Variants in HYAL4 observed in about 807,000 individuals in gnomAD.
The protein encoded by HYAL4 is hyaluronidase 4, also known as hyaluronidase-4.
In HYAL4, 37 loss-of-function variants were observed where a neutral mutation model predicts 35.2. The observed-to-expected ratio is 1.05, with a 90% CI of 0.81 to 1.38. The LOEUF is 1.38. Among genes scored for constraint, HYAL4 ranks in the 40% most tolerant of loss-of-function variants. The pLI is 0.00. For missense variants in HYAL4, 572 were observed against 572.4 expected (o/e 1.00, Z 0.01); for synonymous variants, 198 against 203.2 (o/e 0.97, Z 0.22).
At chr7:123,787,107 CAAAAAAA>C in the HYAL4 span, among the ~76,000 whole-genome samples, 500 of 49,156 alleles carry the variant, frequency 0.01, 3 homozygotes, top group African/African-American at 0.028. Flanking sequence ...AACTCTGTCT[CAAAAAAA>C]AAAAAAAAAA....
chr7:123,812,001 G>T, the HYAL4 span, among the ~76,000 whole-genome samples: 1 of 151,844 alleles, frequency 6.6e-6, no homozygotes, highest in Non-Finnish European at 1.5e-5. Flanking sequence ...ACCACCACAC[G>T]TGGCTAATTT....
the HYAL4 span, among the ~76,000 whole-genome samples, chr7:123,822,676 T>A: frequency 6.6e-6 from 1 of 152,208 alleles, no homozygotes; most frequent in African/African-American, 2.4e-5. Flanking sequence ...TGGTCAGAGT[T>A]GGCTGGATGA....
intron 1 of HYAL4, among the ~76,000 whole-genome samples, chr7:123,830,470 G>A (rs778639171): frequency 6.6e-6 from 1 of 152,104 alleles, no homozygotes; most frequent in Non-Finnish European, 1.5e-5. Flanking sequence ...TGAATAACCT[G>A]AAAAATGACA....
the HYAL4 span, among the ~76,000 whole-genome samples, chr7:123,772,450 G>A: frequency 2.0e-5 from 3 of 152,156 alleles, no homozygotes; most frequent in Admixed American, 2.0e-4. Context: ...ATCTAGACAA[G>A]TGACACATGG....
the HYAL4 span, among the ~76,000 whole-genome samples, chr7:123,810,734 T>G: frequency 6.6e-6 from 1 of 152,200 alleles, no homozygotes; most frequent in African/African-American, 2.4e-5. Context: ...CTATGGCTTT[T>G]GACAAATGTA....
intron 3 of HYAL4, among the ~76,000 whole-genome samples, chr7:123,873,642 T>C (rs1304152745): frequency 2.6e-5 from 4 of 151,968 alleles, no homozygotes; most frequent in Non-Finnish European, 5.9e-5. Flanking sequence ...TCCTAAAGAG[T>C]GGGGTGAGGG....
chr7:123,862,093 C>T (rs189427699), intron 2 of HYAL4, among the ~76,000 whole-genome samples: 21 of 152,228 alleles, frequency 1.4e-4, no homozygotes, highest in Non-Finnish European at 2.6e-4. Flanking sequence ...GGCTGTTGCT[C>T]TAATAAGCTT....
At chr7:123,850,172 G>A (rs182134452) in intron 2 of HYAL4, among the ~76,000 whole-genome samples, 2 of 152,270 alleles carry the variant, frequency 1.3e-5, no homozygotes, top group East Asian at 3.9e-4. Flanking sequence ...ATTTATTTCA[G>A]CCTTGCTTGT....
At chr7:123,805,613 G>A in the HYAL4 span, among the ~76,000 whole-genome samples, 1 of 151,982 alleles carries the variant, frequency 6.6e-6, no homozygotes, top group African/African-American at 2.4e-5. Flanking sequence ...GAAATAGAAT[G>A]ATGGAGGCAG....
chr7:123,807,434 T>G, the HYAL4 span, among the ~76,000 whole-genome samples: 9 of 128,450 alleles, frequency 7.0e-5, no homozygotes, highest in Admixed American at 5.2e-4. Context: ...TTTTTATGGT[T>G]TTTTTTTTTT....
At chr7:123,835,365 T>C (rs1421508054) in intron 1 of HYAL4, among the ~76,000 whole-genome samples, 1 of 152,126 alleles carries the variant, frequency 6.6e-6, no homozygotes, top group African/African-American at 2.4e-5. Context: ...AGTTTATGCA[T>C]GTAAAGGTGT....
At chr7:123,807,542 G>T in the HYAL4 span, among the ~76,000 whole-genome samples, 2 of 147,066 alleles carry the variant, frequency 1.4e-5, no homozygotes, top group Non-Finnish European at 3.0e-5. Context: ...TCAGGTTCAA[G>T]CAATTTTCCT....
At chr7:123,856,015 C>T (rs1274468541) in intron 2 of HYAL4, among the ~76,000 whole-genome samples, 2 of 151,770 alleles carry the variant, frequency 1.3e-5, no homozygotes, top group African/African-American at 4.8e-5. Flanking sequence ...GTGTATGCTT[C>T]ATGAAGTTCT....
chr7:123,841,988 G>A (rs1355839638), upstream of HYAL4, among the ~76,000 whole-genome samples: 2 of 151,272 alleles, frequency 1.3e-5, no homozygotes, highest in East Asian at 1.9e-4. Flanking sequence ...TTGTGTGTCT[G>A]TATCTCTTTC....
chr7:123,843,800 T>G (rs1403609740), upstream of HYAL4, among the ~76,000 whole-genome samples: 2 of 151,978 alleles, frequency 1.3e-5, no homozygotes, highest in African/African-American at 4.8e-5. Flanking sequence ...CTATTGAATC[T>G]TGTGCATCCG....
the HYAL4 span, among the ~76,000 whole-genome samples, chr7:123,806,768 C>A: frequency 6.6e-6 from 1 of 152,016 alleles, no homozygotes; most frequent in Non-Finnish European, 1.5e-5. Context: ...TTCCATTTCT[C>A]TCGTACTCCT....
chr7:123,842,389 C>T (rs573460461), upstream of HYAL4, among the ~76,000 whole-genome samples: 3 of 152,126 alleles, frequency 2.0e-5, no homozygotes, highest in South Asian at 6.2e-4. Context: ...TGTTCTTTTA[C>T]ATTTGCTGAG....
intron 2 of HYAL4, among the ~76,000 whole-genome samples, chr7:123,867,378 G>T (rs1448510880): frequency 6.6e-6 from 1 of 152,148 alleles, no homozygotes; most frequent in Non-Finnish European, 1.5e-5. Flanking sequence ...CAGGCAAGTG[G>T]TCAGTTAGGC....
chr7:123,827,439 C>A (rs1805815015), upstream of HYAL4, among the ~76,000 whole-genome samples: 1 of 152,026 alleles, frequency 6.6e-6, no homozygotes, highest in African/African-American at 2.4e-5. Context: ...CTTTTTCGTC[C>A]TTCCTCTTTT....
Sources: allele counts gnomAD v4.1 joint callset (sites outside exome capture counted in the v4.1 genomes callset), GRCh38; gene constraint gnomAD v4.1.1; transcripts MANE v1.5; gene names NCBI Gene and HGNC (gene_info 2026-07-23, HGNC 2026-07-21).